Variants in FGF12 observed in about 807,000 individuals in gnomAD.
The protein encoded by FGF12 is fibroblast growth factor 12, also known as fibroblast growth factor 12B.
In FGF12, 14 loss-of-function variants were observed where a neutral mutation model predicts 23.6. That is an observed-to-expected ratio of 0.59 (90% CI 0.39 to 0.93). The LOEUF (loss-of-function observed/expected upper bound fraction) is 0.93, where lower values mean the gene tolerates loss of function less well. FGF12 is among the 40% of genes least tolerant of loss of function. FGF12 has a pLI of 0.00. For synonymous variants in FGF12, 62 were observed against 77.3 expected (o/e 0.80, Z 1.04); for missense variants, 175 against 217.8 (o/e 0.80, Z 1.24).
chr3:192,560,956 A>G (rs9868737), intron 2 of FGF12, among the ~76,000 whole-genome samples: 30,485 of 152,184 alleles, frequency 0.2, 3,689 homozygotes, highest in Middle Eastern at 0.36. Flanking sequence ...CATACAACAA[A>G]ATATTTAGCC....
intron 2 of FGF12, among the ~76,000 whole-genome samples, chr3:192,470,189 T>G (rs1723129993): frequency 6.6e-6 from 1 of 152,166 alleles, no homozygotes; most frequent in African/African-American, 2.4e-5. Flanking sequence ...AACAATTTTT[T>G]TACTCATATT....
chr3:192,145,926 TA>T (rs35518657), intron 5 of FGF12, among the ~76,000 whole-genome samples: 73,107 of 151,646 alleles, frequency 0.48, 19,080 homozygotes, highest in Non-Finnish European at 0.59. Context: ...CTTTCTATTA[TA>T]AAAAAAATTA....
chr3:192,470,385 G>C (rs1268888527), intron 2 of FGF12, among the ~76,000 whole-genome samples: 1 of 152,086 alleles, frequency 6.6e-6, no homozygotes. Flanking sequence ...TGTTGTTGTT[G>C]TTGTTGTTGT....
chr3:192,156,336 A>T (rs182929234), intron 5 of FGF12, among the ~76,000 whole-genome samples: 59 of 152,314 alleles, frequency 3.9e-4, no homozygotes, highest in African/African-American at 1.4e-3. Flanking sequence ...ACAATATGGG[A>T]TGTTACTAGT....
Position 192,343,768 on chromosome 3 carries a change from G to A in FGF12, c.125-8304C>T, listed in dbSNP as rs545367638. ...TCACAGTGCTTATTAATATTTATAT[G>A]TTTGTCTGAGTTTCCCTGAAAACTA... On this transcript the variant is annotated intron_variant, in intron 3 of 5. Transcript: ENST00000445105. 8.2e-4 allele frequency among the ~76,000 whole-genome samples: 125 copies of A among 152,176 alleles called. 2 individuals carry two copies. The highest frequency in any genetic ancestry group is 8.2e-3 in the Admixed American group (125 of 15,288).
Position 192,429,126 on chromosome 3 carries a change from T to C in FGF12, c.14-68588A>G, listed in dbSNP as rs151033809. ...AAAAAGAGTACTTCACAAATTAATA[T>C]TGAGTTGAAATATTTAAGTTCACTG... On this transcript the variant is annotated intron_variant, in intron 2 of 5. Transcript: ENST00000445105. Among the ~76,000 whole-genome samples, 227 of 152,238 alleles carry C rather than the reference T, an allele frequency of 1.5e-3. 1 individual carries two copies. Among genetic ancestry groups the C allele is most frequent in the Non-Finnish European group, 2.5e-3 (170 of 68,018 alleles).
chr3:192,243,814 A>G (rs1316463614), intron 4 of FGF12, among the ~76,000 whole-genome samples: 3 of 152,122 alleles, frequency 2.0e-5, no homozygotes, highest in Admixed American at 2.0e-4. Context: ...CAAAAGGTAA[A>G]AAGTGGGAAG....
At chr3:192,419,688 T>G (rs1168592858) in intron 2 of FGF12, among the ~76,000 whole-genome samples, 1 of 152,108 alleles carries the variant, frequency 6.6e-6, no homozygotes, top group Non-Finnish European at 1.5e-5. Context: ...CTTTTGTTCA[T>G]TTTAAAGGAC....
At chr3:192,352,778 G>A (rs1022974591) in intron 3 of FGF12, among the ~76,000 whole-genome samples, 3 of 152,118 alleles carry the variant, frequency 2.0e-5, no homozygotes, top group Non-Finnish European at 4.4e-5. Context: ...AACAAATGAG[G>A]AAATTTAACA....
intron 2 of FGF12, among the ~76,000 whole-genome samples, chr3:192,679,053 C>T (rs546867870): frequency 1.7e-4 from 26 of 152,224 alleles, no homozygotes; most frequent in Admixed American, 2.0e-4. Context: ...TGAGAATCTC[C>T]GCTCTGGATC....
intron 2 of FGF12, among the ~76,000 whole-genome samples, chr3:192,393,357 T>C (rs980389424): frequency 2.0e-5 from 3 of 152,178 alleles, no homozygotes; most frequent in Non-Finnish European, 4.4e-5. Flanking sequence ...GGAGAAATAA[T>C]CCTATAGGAG....
At chr3:192,418,032 A>G (rs1030719529) in intron 2 of FGF12, among the ~76,000 whole-genome samples, 4 of 152,084 alleles carry the variant, frequency 2.6e-5, no homozygotes, top group African/African-American at 9.7e-5. Context: ...ACAGGAAAAC[A>G]ATCTCATAGG....
chr3:192,271,796 A>C (rs1713455110), intron 4 of FGF12, among the ~76,000 whole-genome samples: 1 of 152,164 alleles, frequency 6.6e-6, no homozygotes, highest in Non-Finnish European at 1.5e-5. Context: ...AAAGACATAC[A>C]ATATGTCCCA....
In FGF12 at chr3:192,196,923, A is replaced by G. The variant is rs79341147; in HGVS notation, c.229-26267T>C. On this transcript the variant is annotated intron_variant, in intron 4 of 5. Coordinates refer to ENST00000445105, the MANE Select transcript of FGF12 (RefSeq NM_004113.6). ...CAGAAAATAACTTAATAAGACAGTGAACAGAAAACCAGTATCTACTTAACA... is the reference window on the plus strand; with the variant it reads ...CAGAAAATAACTTAATAAGACAGTGGACAGAAAACCAGTATCTACTTAACA... Among the ~76,000 whole-genome samples the G allele has an allele frequency of 6.2e-3, 938 of 152,300 alleles. 12 individuals are homozygous for G. Among genetic ancestry groups the G allele is most frequent in the East Asian group, 0.032 (165 of 5,188 alleles).
At chr3:192,539,038 G>C (rs1041067817) in intron 2 of FGF12, among the ~76,000 whole-genome samples, 6 of 152,036 alleles carry the variant, frequency 3.9e-5, no homozygotes, top group African/African-American at 1.4e-4. Context: ...AATAATTTTG[G>C]GTGCAGCCTT....
At chr3:192,311,975 A>ATCTATCTG (rs1408166787) in intron 4 of FGF12, among the ~76,000 whole-genome samples, 1 of 145,606 alleles carries the variant, frequency 6.9e-6, no homozygotes, top group East Asian at 2.1e-4. Flanking sequence ...CTATCTATCT[A>ATCTATCTG]TCTGTTTTCA....
rs1157833552 is a variant in FGF12, at chr3:192,251,314, G to A, written c.229-80658C>T. The stretch of plus-strand genomic sequence containing the variant: ...TTGATTCTGATAGAGAGTAAGTTGT[G>A]CTCTTTTGCTTTAGTCATGCTGTGT... On this transcript the variant is annotated intron_variant, in intron 4 of 5. Transcript: ENST00000445105. 1.3e-5 allele frequency among the ~76,000 whole-genome samples: 2 copies of A among 152,152 alleles called. 1 individual carries two copies. The highest frequency in any genetic ancestry group is 2.9e-5 in the Non-Finnish European group (2 of 68,014).
chr3:192,720,510 T>TA (rs771539201), intron 2 of FGF12, among the ~76,000 whole-genome samples: 53 of 152,098 alleles, frequency 3.5e-4, no homozygotes, highest in Non-Finnish European at 6.2e-4. Flanking sequence ...CATAGATCCT[T>TA]AAAAAATCCT....
intron 4 of FGF12, among the ~76,000 whole-genome samples, chr3:192,276,985 T>C (rs1490817294): frequency 6.6e-6 from 1 of 152,234 alleles, no homozygotes; most frequent in Admixed American, 6.5e-5. Context: ...CTGTCCATAC[T>C]TTGTTAAACC....
Sources: allele counts gnomAD v4.1 joint callset (sites outside exome capture counted in the v4.1 genomes callset), GRCh38; gene constraint gnomAD v4.1.1; transcripts MANE v1.5; gene names NCBI Gene and HGNC (gene_info 2026-07-23, HGNC 2026-07-21).